Variants in POLE observed in about 807,000 individuals in gnomAD.
POLE encodes the protein DNA polymerase epsilon, catalytic subunit.
POLE carries 188 observed loss-of-function variants against 279.2 expected under a neutral mutation model. That is an observed-to-expected ratio of 0.67 (90% confidence interval 0.60 to 0.76). The LOEUF (loss-of-function observed/expected upper bound fraction) is 0.76, where lower values mean the gene tolerates loss of function less well. Among genes scored for constraint, POLE ranks in the 30% least tolerant of loss-of-function variants. POLE has a pLI of 0.00. For missense variants in POLE, 2,703 were observed against 3,016.7 expected, an observed-to-expected ratio of 0.90 and a Z score of 2.44; for synonymous variants, 1,214 against 1,172.5, an observed-to-expected ratio of 1.04 and a Z score of -0.72.
At chr12:132,673,793 C>A in intron 12 of POLE, 86 bp from the exon 13 acceptor site, 1 of 1,513,234 alleles carries the variant, frequency 6.6e-7, no homozygotes, top group Admixed American at 1.7e-5. Flanking sequence ...GGGCACCACA[C>A]AGACAGATGC....
intron 14 of POLE, 55 bp downstream of exon 14, chr12:132,673,109 G>A (rs770936277): frequency 1.6e-5 from 19 of 1,163,626 alleles, no homozygotes; most frequent in African/African-American, 1.1e-4. Context: ...CAGTGCATTT[G>A]GAATGGGGCA....
rs111570840 is a variant in POLE, at chr12:132,667,659, C to T, written c.2174-11G>A. 47 of 1,613,558 alleles carry T rather than the reference C, an allele frequency of 2.9e-5. No homozygotes were observed. The highest frequency in any genetic ancestry group is 1.8e-4 in the Admixed American group (11 of 60,008). ...CTTTCCGGCAGTAATCTAAGCACGA[C>T]GGAGATGGGCAGAGCAGGTGGGTGA... is the stretch of plus-strand genomic sequence containing the variant. On this transcript the variant is annotated splice_polypyrimidine_tract_variant and intron_variant, in intron 19 of 48. Coordinates refer to ENST00000320574, the MANE Select transcript of POLE (RefSeq NM_006231.4).
rs779102091 is a variant in POLE, at chr12:132,667,613, T to C, written c.2209A>G (p.Thr737Ala). Residue 737 changes from threonine to alanine, a missense_variant, in exon 20 of 49, where the codon ACC (threonine) becomes GCC (alanine). Coordinates refer to ENST00000320574, the MANE Select transcript of POLE (RefSeq NM_006231.4). ...CRKAYKKIHI[T>A]KVEERLTTIC... ...GTGGTGAGACGCTCTTCCACCTTGG[T>C]GATGTGGATCTTCTTGTAGGCTTTC... 27 of 1,614,104 alleles carry C rather than the reference T, an allele frequency of 1.7e-5. No homozygotes were observed. Among genetic ancestry groups the C allele is most frequent in the East Asian group, 1.3e-4 (6 of 44,886 alleles).
intron 21 of POLE, 127 bp downstream of exon 21, chr12:132,665,175 T>G: frequency 9.7e-7 from 1 of 1,032,918 alleles, no homozygotes; most frequent in Non-Finnish European, 1.4e-6. Flanking sequence ...CCCAAAGCCT[T>G]CTCCCTCCAA....
rs765479301 is a variant in POLE at position 132,660,957 on chromosome 12, G to A, written c.3060+12C>T. On this transcript the variant is annotated intron_variant, in intron 25 of 48. Transcript: ENST00000320574. ...CCCTCAGAGCAGGTGAGGGTGGAGG[G>A]TAGGCCTTTACCTTGCTGTACAGCA... is the stretch of plus-strand genomic sequence containing the variant. 1 of 1,585,030 alleles carries A rather than the reference G, an allele frequency of 6.3e-7. No individual in the cohort carries two copies. Among genetic ancestry groups the A allele is most frequent in the East Asian group, 2.2e-5 (1 of 44,534 alleles).
chr12:132,647,667 G>A (rs921822672), intron 32 of POLE, among the ~76,000 whole-genome samples: 2 of 151,978 alleles, frequency 1.3e-5, no homozygotes, highest in African/African-American at 2.4e-5. Flanking sequence ...TTCACACAGC[G>A]CCAGAACCTC....
chr12:132,681,440 T>C (rs2043167070), intron 1 of POLE, among the ~76,000 whole-genome samples, 161 bp from the exon 2 acceptor site: 2 of 151,378 alleles, frequency 1.3e-5, no homozygotes, highest in Admixed American at 6.6e-5. Context: ...GCCTCCCGGG[T>C]TCACGCCATT....
In POLE at chr12:132,677,619, G is replaced by C. The variant is rs2043084702; in HGVS notation, c.679C>G (p.Pro227Ala). The C allele has an allele frequency of 6.2e-7, 1 of 1,614,118 alleles. No individual in the cohort carries two copies. The highest frequency in any genetic ancestry group is 1.3e-5 in the African/African-American group (1 of 75,022). ...NIVDMREYDV[P>A]YHIRLSIDLK... ...TCAATGGAGAGGCGGATGTGGTAGG[G>C]AACATCGTACTCGCGCATGTCCACA... The change falls in exon 7 of 49, where the codon CCC becomes GCC. Residue 227 changes from proline to alanine, a missense_variant. Physicochemically the swap from Pro to Ala is conservative, Grantham distance 27. Transcript: ENST00000320574.
intron 45 of POLE, among the ~76,000 whole-genome samples, chr12:132,628,596 C>A (rs2041879753): frequency 6.7e-6 from 1 of 150,164 alleles, no homozygotes; most frequent in Non-Finnish European, 1.5e-5. Context: ...CGAGCCAAGA[C>A]CGCACCACTG....
chr12:132,686,723 G>A (rs1323381539), intron 1 of POLE, among the ~76,000 whole-genome samples: 1 of 151,960 alleles, frequency 6.6e-6, no homozygotes, highest in Non-Finnish European at 1.5e-5. Flanking sequence ...CGACAGAGCG[G>A]GACTCCCTGC....
At chr12:132,646,696 G>A (rs2042291667) in intron 32 of POLE, among the ~76,000 whole-genome samples, 1 of 151,978 alleles carries the variant, frequency 6.6e-6, no homozygotes, top group Admixed American at 6.6e-5. Context: ...GCCGGGCGTG[G>A]TGGTGCGTGC....
At chr12:132,679,747 G>A in intron 5 of POLE, 96 bp from the exon 6 acceptor site, 1 of 1,416,236 alleles carries the variant, frequency 7.1e-7, no homozygotes, top group Non-Finnish European at 9.7e-7. Flanking sequence ...AAGTCAAAGA[G>A]TTGGCGACTT....
At chr12:132,685,160 A>G (rs1436354857) in intron 1 of POLE, among the ~76,000 whole-genome samples, 38 of 130,808 alleles carry the variant, frequency 2.9e-4, no homozygotes, top group East Asian at 1.0e-3. Flanking sequence ...ACTGGTTACT[A>G]TATCACACCG....
intron 20 of POLE, among the ~76,000 whole-genome samples, chr12:132,666,312 G>A (rs1051614159): frequency 6.6e-6 from 1 of 152,252 alleles, no homozygotes; most frequent in Non-Finnish European, 1.5e-5. Context: ...CTAAGACTGG[G>A]CGCGGTGGCT....
rs114642756 is a variant in POLE at position 132,665,424 on chromosome 12, G to A, written c.2346C>T (p.Ala782=). Residue 782 remains alanine, a synonymous_variant, in exon 21 of 49, where the codon GCC becomes GCT. Coordinates refer to ENST00000320574, the MANE Select transcript of POLE (RefSeq NM_006231.4). ...CCTCAGCCGCGTCGCCCACCTCCAC[G>A]GCCGCCGAGAGCTTCTTTTTCCACA... The part of the protein sequence containing the change: ...HKVWKKKLSA[A]VEVGDAAEVK... 19 of 1,611,924 alleles carry A rather than the reference G, an allele frequency of 1.2e-5. No homozygotes were observed. The African/African-American group carries it at 1.6e-4, about 14-fold the overall frequency.
chr12:132,681,371 T>C, intron 1 of POLE, 92 bp from the exon 2 acceptor site: 1 of 1,359,230 alleles, frequency 7.4e-7, no homozygotes, highest in Non-Finnish European at 1.0e-6. Context: ...TGAGACGGAG[T>C]CTTGCTCTGT....
chr12:132,665,523 T>A, intron 20 of POLE, 73 bp from the exon 21 acceptor site: 1 of 1,481,994 alleles, frequency 6.7e-7, no homozygotes, highest in Non-Finnish European at 9.0e-7. Context: ...ATAGCCCAGG[T>A]TTTTAGTATT....
rs1332148448 is a variant in POLE at position 132,657,925 on chromosome 12, C to T, written c.3321G>A (p.Lys1107=). ...AIFQAEPTVR[K]HFLRKWLKSS... is the part of the protein sequence containing the mutation. ...TCTTGAGCCATTTCCGGAGAAAGTG[C>T]TTCCTCACCGTGGGCTCTGCTTGGA... Residue 1107 remains lysine (K), a synonymous_variant, in exon 27 of 49, where the codon AAG becomes AAA. Coordinates refer to ENST00000320574, the MANE Select transcript of POLE (RefSeq NM_006231.4). 2 of 1,614,200 alleles carry T rather than the reference C, an allele frequency of 1.2e-6. No homozygotes were observed. The highest frequency in any genetic ancestry group is 3.3e-5 in the Admixed American group (2 of 60,026).
Position 132,677,243 on chromosome 12 carries a change from A to C in POLE, c.801+120T>G, listed in dbSNP as rs5744754. The C allele has an allele frequency of 2.6e-3, 1,960 of 755,670 alleles. 22 individuals carry two copies. The African/African-American group carries it at 0.031, about 12-fold the overall frequency. The allele number at this position is 755,670 out of a possible 1,614,324, so 46.8% of individuals were successfully genotyped here. A position where few individuals can be genotyped will look rare whatever the true frequency, so the allele number is the denominator to read the frequency against. On this transcript the variant is annotated intron_variant, in intron 8 of 48. Transcript: ENST00000320574. ...TTCTAACTCCATATTTCCTTTAATA[A>C]AGTATTTGGGGGAAAAGCAGCAAAC...
Sources: gnomAD v4.1 joint callset for allele counts (sites outside exome capture counted in the v4.1 genomes callset) on GRCh38, gnomAD v4.1.1 for gene constraint, MANE v1.5 for transcripts, NCBI Gene and HGNC (gene_info 2026-07-23, HGNC 2026-07-21) for gene names.